Variants in HS6ST2 observed in about 807,000 individuals in gnomAD.
The protein encoded by HS6ST2 is heparan sulfate 6-O-sulfotransferase 2.
A neutral mutation model predicts 33.0 loss-of-function variants in HS6ST2; 17 were observed. That is an observed-to-expected ratio of 0.52 (90% CI 0.35 to 0.77). The LOEUF (loss-of-function observed/expected upper bound fraction) is 0.77. HS6ST2 is among the 30% of genes least tolerant of loss of function. The pLI, the probability that HS6ST2 is intolerant of heterozygous loss-of-function variation, is 0.01. For synonymous variants in HS6ST2, 248 were observed against 237.1 expected (o/e 1.05, Z -0.42); for missense variants, 519 against 551.7 (o/e 0.94, Z 0.59).
intron 2 of HS6ST2, among the ~76,000 whole-genome samples, chrX:132,856,756 A>T (rs1254705302): frequency 8.9e-6 from 1 of 112,225 alleles, no homozygotes; most frequent in East Asian, 2.8e-4. Flanking sequence ...AAAGAAAAAC[A>T]ACATCCCCAA....
intron 4 of HS6ST2, among the ~76,000 whole-genome samples, chrX:132,652,941 AT>A (rs938085284): frequency 7.2e-4 from 79 of 109,140 alleles, no homozygotes; most frequent in African/African-American, 2.4e-3. Context: ...TCAGACTTAG[AT>A]TTTTTTTTTA....
At chrX:132,865,038 A>G (rs1351668630) in intron 2 of HS6ST2, among the ~76,000 whole-genome samples, 1 of 110,355 alleles carries the variant, frequency 9.1e-6, no homozygotes, top group African/African-American at 3.3e-5. Flanking sequence ...CAGCTTACTT[A>G]CATATGTATA....
At chrX:132,755,837 A>G (rs772627842) in intron 2 of HS6ST2, among the ~76,000 whole-genome samples, 11 of 112,192 alleles carry the variant, frequency 9.8e-5, no homozygotes, top group South Asian at 7.5e-4. Flanking sequence ...TTAAAAAATC[A>G]TATCATTAAA....
rs148743185 is a variant in HS6ST2, at chrX:132,910,071, T to A, written c.947+46737A>T. On this transcript the variant is annotated intron_variant, in intron 2 of 4. Transcript: ENST00000370833. ...TCATTGAGCATAAATTTCTAATATT[T>A]TCACGTTCGCTCTACCATTTGCCAT... is the stretch of plus-strand genomic sequence containing the variant. Among the ~76,000 whole-genome samples the A allele has an allele frequency of 3.4e-3, 381 of 111,740 alleles. 1 individual carries two copies. Among genetic ancestry groups the A allele is most frequent in the African/African-American group, 0.012 (362 of 30,779 alleles).
intron 2 of HS6ST2, among the ~76,000 whole-genome samples, chrX:132,760,037 T>G (rs1317153800): frequency 8.9e-6 from 1 of 111,815 alleles, no homozygotes; most frequent in Non-Finnish European, 1.9e-5. Context: ...CCAGAGTACA[T>G]GCTCTTGATG....
At chrX:132,859,632 G>A (rs1254024799) in intron 2 of HS6ST2, among the ~76,000 whole-genome samples, 1 of 93,804 alleles carries the variant, frequency 1.1e-5, no homozygotes, top group Non-Finnish European at 2.1e-5. Flanking sequence ...GGGAAGGAGA[G>A]AGTCAGAGGA....
At chrX:132,662,308 A>G (rs1000404962) in intron 4 of HS6ST2, among the ~76,000 whole-genome samples, 2 of 111,501 alleles carry the variant, frequency 1.8e-5, no homozygotes, top group African/African-American at 6.5e-5. Flanking sequence ...GCTTTTTATT[A>G]CGTGGAAAAA....
intron 2 of HS6ST2, among the ~76,000 whole-genome samples, chrX:132,770,213 C>T (rs371018164): frequency 4.5e-5 from 5 of 111,775 alleles, no homozygotes; most frequent in African/African-American, 1.3e-4. Context: ...CTGTTTTACA[C>T]ATGAGAAAAC....
chrX:132,828,598 G>T (rs1219148587), intron 2 of HS6ST2, among the ~76,000 whole-genome samples: 1 of 103,721 alleles, frequency 9.6e-6, no homozygotes, highest in Non-Finnish European at 2.0e-5. Context: ...TTACCTTGGG[G>T]GTGGGTGGAG....
intron 2 of HS6ST2, among the ~76,000 whole-genome samples, chrX:132,856,803 T>A (rs2065855856): frequency 8.9e-6 from 1 of 111,923 alleles, no homozygotes; most frequent in South Asian, 3.7e-4. Context: ...AGGTACCAAA[T>A]TGTTTGGAAA....
chrX:132,638,410 C>A (rs746138789), intron 4 of HS6ST2, among the ~76,000 whole-genome samples: 4 of 111,364 alleles, frequency 3.6e-5, no homozygotes, highest in African/African-American at 1.3e-4. Flanking sequence ...GCAGCAGTCT[C>A]ATAAAAGAAG....
intron 4 of HS6ST2, among the ~76,000 whole-genome samples, chrX:132,646,448 C>T (rs779925778): frequency 1.4e-4 from 15 of 107,623 alleles, no homozygotes; most frequent in East Asian, 2.9e-4. Context: ...GTGGGAGGAC[C>T]ACTTGAGCCC....
intron 2 of HS6ST2, among the ~76,000 whole-genome samples, chrX:132,906,607 C>T (rs747689750): frequency 9.9e-5 from 11 of 111,466 alleles, no homozygotes; most frequent in African/African-American, 3.6e-4. Flanking sequence ...GGGTAGATCC[C>T]TCGTGAATGG....
At chrX:132,887,095 C>G (rs1312963156) in intron 2 of HS6ST2, among the ~76,000 whole-genome samples, 1 of 109,701 alleles carries the variant, frequency 9.1e-6, no homozygotes, top group African/African-American at 3.3e-5. Context: ...GATTAGGCCA[C>G]TGCACTCCAG....
At chrX:132,812,438 TAATAATAA>T (rs2065357032) in intron 2 of HS6ST2, among the ~76,000 whole-genome samples, 1 of 97,371 alleles carries the variant, frequency 1.0e-5, no homozygotes, top group Non-Finnish European at 2.1e-5. Flanking sequence ...ATAATAATAA[TAATAATAA>T]AATAATAATA....
chrX:132,933,639 T>C (rs1243025075), intron 2 of HS6ST2, among the ~76,000 whole-genome samples: 1 of 111,509 alleles, frequency 9.0e-6, no homozygotes, highest in Non-Finnish European at 1.9e-5. Context: ...GCAAGTAGGA[T>C]AACCAAAAAG....
At chrX:132,789,733 A>G (rs2065100748) in intron 2 of HS6ST2, among the ~76,000 whole-genome samples, 1 of 111,824 alleles carries the variant, frequency 8.9e-6, no homozygotes. Context: ...CATTAACGGG[A>G]GTTTGGAAGA....
intron 4 of HS6ST2, among the ~76,000 whole-genome samples, chrX:132,641,398 C>T (rs1239512162): frequency 8.9e-6 from 1 of 112,566 alleles, no homozygotes; most frequent in African/African-American, 3.2e-5. Flanking sequence ...CTGCCCGCCT[C>T]GACCTCCCAA....
At chrX:132,879,449 T>C (rs1212166276) in intron 2 of HS6ST2, among the ~76,000 whole-genome samples, 1 of 69,089 alleles carries the variant, frequency 1.4e-5, no homozygotes, top group African/African-American at 7.4e-5. Context: ...GAAAATACAT[T>C]CTTTTGGGCC....
Sources: gnomAD v4.1 joint callset for allele counts (sites outside exome capture counted in the v4.1 genomes callset) on GRCh38, gnomAD v4.1.1 for gene constraint, MANE v1.5 for transcripts, NCBI Gene and HGNC (gene_info 2026-07-23, HGNC 2026-07-21) for gene names.